The following PNKD variants were observed in gnomAD, a reference collection of about 807,000 sequenced individuals.
The protein encoded by PNKD is probable thioesterase PNKD.
Under a neutral mutation model 45.3 loss-of-function variants are expected in PNKD, and 36 were observed. The observed-to-expected ratio is 0.80, with a 90% confidence interval of 0.61 to 1.05. The LOEUF (loss-of-function observed/expected upper bound fraction) is 1.05, where lower values mean the gene tolerates loss of function less well. Among genes scored for constraint, PNKD ranks in the 50% least tolerant of loss-of-function variants. The probability of loss-of-function intolerance (pLI) is 0.00; values close to 1 mark genes in which losing one functional copy is unlikely to be tolerated. For synonymous variants in PNKD, 197 were observed against 210.1 expected, an observed-to-expected ratio of 0.94 and a Z score of 0.54; for missense variants, 511 against 506.6, an observed-to-expected ratio of 1.01 and a Z score of -0.08.
Position 218,340,176 on chromosome 2 carries a change from G to A in PNKD, c.465+35G>A, listed in dbSNP as rs1694631612. On this transcript the variant is annotated intron_variant, in intron 4 of 9. Transcript: ENST00000273077. The surrounding 1 kb of genome is among the most constrained non-coding windows in gnomAD (Gnocchi z 4.2). Reference sequence around the variant, plus strand: ...GGGCAGGGAGCAGGGGGTGCCTGGAGTCACCTTGGGGACTGGCAGTTTCGC... The same window carrying A: ...GGGCAGGGAGCAGGGGGTGCCTGGAATCACCTTGGGGACTGGCAGTTTCGC... The A allele has an allele frequency of 1.8e-5, 24 of 1,350,358 alleles. No homozygotes were observed. The highest frequency in any genetic ancestry group is 2.4e-5 in the Non-Finnish European group (23 of 942,670). 83.6% of individuals were successfully genotyped at this position (1,350,358 alleles called of 1,614,324 possible).
At chr2:218,292,491 C>T (rs1239820707) in intron 2 of PNKD, 2 of 152,204 alleles carry the variant, frequency 1.3e-5, no homozygotes, top group Non-Finnish European at 2.9e-5. Context: ...CGGAGCGTTC[C>T]TGGCCTCGGA....
chr2:218,282,055 TGG>T (rs756406694), intron 2 of PNKD: 2 of 1,593,528 alleles, frequency 1.3e-6, no homozygotes, highest in Non-Finnish European at 1.7e-6. Context: ...GCAGGACAGA[TGG>T]CTGCCCATAG....
chr2:218,300,472 A>G (rs903769086), intron 2 of PNKD, among the ~76,000 whole-genome samples: 2 of 151,926 alleles, frequency 1.3e-5, no homozygotes, highest in African/African-American at 4.8e-5. Flanking sequence ...GTGCAAATAG[A>G]TCGCTTGGGG....
At chr2:218,328,175 G>A (rs1430673417) in intron 2 of PNKD, among the ~76,000 whole-genome samples, 3 of 152,056 alleles carry the variant, frequency 2.0e-5, no homozygotes, top group Non-Finnish European at 2.9e-5. Context: ...GCCTCTCCAC[G>A]GTGCTTCAGT....
chr2:218,274,168 G>A (rs1690987803), intron 2 of PNKD: 1 of 154,988 alleles, frequency 6.5e-6, no homozygotes. Context: ...TTTGGGCAGA[G>A]CCACACATAC....
At chr2:218,323,240 GC>G in intron 2 of PNKD, 1 of 1,462,948 alleles carries the variant, frequency 6.8e-7, no homozygotes, top group South Asian at 1.3e-5. Flanking sequence ...GCCGAGCCCC[GC>G]CCGGCCGGCG....
In PNKD at chr2:218,344,976, A is replaced by G. The variant is rs1299480252; in HGVS notation, c.1153A>G (p.Lys385Glu). ...CCGGCTGAAGGATATGCACAAGAGCAAGTGATGCCCCCAGCGCCCCCAGCC... is the reference window on the plus strand; with the variant it reads ...CCGGCTGAAGGATATGCACAAGAGCGAGTGATGCCCCCAGCGCCCCCAGCC... ...LRRLKDMHKS[K>E] is the part of the protein sequence containing the mutation. The change falls in exon 10 of 10, where the codon AAG (lysine) becomes GAG (glutamate). Residue 385 changes from lysine (K) to glutamate (E), a missense_variant. By Grantham distance (56) the Lys-to-Glu change is moderately conservative. Coordinates refer to ENST00000273077, the MANE Select transcript of PNKD (RefSeq NM_015488.5). The G allele has an allele frequency of 1.2e-6, 2 of 1,612,400 alleles. No homozygotes were observed. Among genetic ancestry groups the G allele is most frequent in the African/African-American group, 1.3e-5 (1 of 75,000 alleles).
intron 8 of PNKD, 150 bp downstream of exon 8, chr2:218,343,736 G>A: frequency 1.5e-6 from 1 of 669,118 alleles, no homozygotes; most frequent in South Asian, 1.7e-5. Flanking sequence ...TAGGGACAGA[G>A]TTCTGGCCTC....
intron 6 of PNKD, 117 bp from the exon 7 acceptor site, chr2:218,341,864 T>C (rs1402277469): frequency 1.1e-6 from 1 of 904,464 alleles, no homozygotes; most frequent in Non-Finnish European, 1.8e-6. Flanking sequence ...GGGTGACTTC[T>C]TTTGTATGGA....
chr2:218,294,196 C>T (rs541065697), intron 2 of PNKD, among the ~76,000 whole-genome samples: 10 of 152,178 alleles, frequency 6.6e-5, no homozygotes, highest in African/African-American at 2.4e-4. Flanking sequence ...CCCCCTTGCT[C>T]AAGGAGTAGC....
At chr2:218,321,783 C>G (rs1693991838) in intron 2 of PNKD, among the ~76,000 whole-genome samples, 1 of 152,008 alleles carries the variant, frequency 6.6e-6, no homozygotes, top group African/African-American at 2.4e-5. Context: ...TGCATGCCAC[C>G]ATGCCAGGCT....
At chr2:218,285,157 T>C (rs1300780009) in intron 2 of PNKD, among the ~76,000 whole-genome samples, 1 of 152,212 alleles carries the variant, frequency 6.6e-6, no homozygotes, top group Non-Finnish European at 1.5e-5. Flanking sequence ...TCAATGGGGA[T>C]AAAGGTTGGT....
At chr2:218,272,926 T>C (rs1341559403) in intron 2 of PNKD, 10 of 1,504,106 alleles carry the variant, frequency 6.6e-6, no homozygotes, top group Admixed American at 6.2e-5. Flanking sequence ...AATAAAGTTA[T>C]TGAGTGTTTA....
intron 2 of PNKD, among the ~76,000 whole-genome samples, chr2:218,299,041 C>T (rs1274239309): frequency 6.6e-6 from 1 of 152,128 alleles, no homozygotes; most frequent in Non-Finnish European, 1.5e-5. Flanking sequence ...GCTCTGTGAC[C>T]GTGATTTGAC....
At position 218,346,673 on chromosome 2, in the gene PNKD, C is replaced by T. The variant is rs1278036793; in HGVS notation, c.*1692C>T. On this transcript the variant is annotated 3_prime_UTR_variant, in exon 10 of 10. Coordinates refer to ENST00000273077, the MANE Select transcript of PNKD (RefSeq NM_015488.5). ...TTACATGTTTGTCTCCCCTTCTAGA[C>T]TGTGAATCCTTAAGGGCATGGACTG... The T allele has an allele frequency of 6.5e-6, 1 of 154,008 alleles. No individual in the cohort carries two copies. Among genetic ancestry groups the T allele is most frequent in the African/African-American group, 2.4e-5 (1 of 41,464 alleles). 9.5% of individuals were successfully genotyped at this position (154,008 alleles called of 1,614,324 possible).
chr2:218,299,459 A>G (rs1693219911), intron 2 of PNKD, among the ~76,000 whole-genome samples: 1 of 151,010 alleles, frequency 6.6e-6, no homozygotes, highest in Non-Finnish European at 1.5e-5. Flanking sequence ...TTATTCATTT[A>G]TTTTTGAGAC....
chr2:218,339,051 C>T (rs1009004001), intron 2 of PNKD, among the ~76,000 whole-genome samples: 1 of 152,032 alleles, frequency 6.6e-6, no homozygotes, highest in Non-Finnish European at 1.5e-5. Flanking sequence ...CTCTCCTTCC[C>T]TCCCAAGGTG....
At chr2:218,308,988 C>T (rs553060243) in intron 2 of PNKD, among the ~76,000 whole-genome samples, 5 of 151,996 alleles carry the variant, frequency 3.3e-5, no homozygotes, top group South Asian at 4.2e-4. Flanking sequence ...AGTACAGTGG[C>T]GCAGTCATGT....
chr2:218,336,780 C>G (rs1694506134), intron 2 of PNKD, among the ~76,000 whole-genome samples: 1 of 146,438 alleles, frequency 6.8e-6, no homozygotes, highest in Non-Finnish European at 1.5e-5. Context: ...CACACCTGGC[C>G]TTCAATTCTT....
Sources: allele counts gnomAD v4.1 joint callset (sites outside exome capture counted in the v4.1 genomes callset), GRCh38; gene constraint gnomAD v4.1.1; non-coding constraint Gnocchi (gnomAD v3.1); transcripts MANE v1.5; gene names NCBI Gene and HGNC (gene_info 2026-07-23, HGNC 2026-07-21).